KCNAB1: variants seen among roughly 807,000 people sequenced by gnomAD.
KCNAB1 encodes voltage-gated potassium channel subunit beta-1.
Under a neutral mutation model 64.6 loss-of-function variants are expected in KCNAB1, and 35 were observed. The ratio of observed to expected loss-of-function variants is 0.54; its 90% confidence interval spans 0.41 to 0.72. The LOEUF is 0.72. KCNAB1 is among the 30% of genes least tolerant of loss of function. The pLI, the probability that KCNAB1 is intolerant of heterozygous loss-of-function variation, is 0.00. For missense variants in KCNAB1, 401 were observed against 512.9 expected (o/e 0.78, Z 2.11); for synonymous variants, 177 against 183.8 (o/e 0.96, Z 0.30).
At chr3:156,493,514 C>T (rs1015439661) in intron 8 of KCNAB1, among the ~76,000 whole-genome samples, 1 of 152,004 alleles carries the variant, frequency 6.6e-6, no homozygotes, top group Non-Finnish European at 1.5e-5. Flanking sequence ...TGCCCCTCAC[C>T]CAGATTCCCC....
At chr3:156,523,144 C>T (rs189805631) in intron 11 of KCNAB1, among the ~76,000 whole-genome samples, 1,778 of 152,190 alleles carry the variant, frequency 0.012, 12 homozygotes, top group Non-Finnish European at 0.014. Context: ...AGAATAGTTT[C>T]CTGTTTTGAG....
intron 11 of KCNAB1, among the ~76,000 whole-genome samples, chr3:156,522,694 T>C (rs1258953926): frequency 6.6e-6 from 1 of 152,160 alleles, no homozygotes; most frequent in African/African-American, 2.4e-5. Flanking sequence ...GGAAATATTG[T>C]CTTAGAATAA....
intron 8 of KCNAB1, among the ~76,000 whole-genome samples, chr3:156,507,592 A>G (rs1025414996): frequency 6.6e-6 from 1 of 152,258 alleles, no homozygotes; most frequent in South Asian, 2.1e-4. Context: ...TCAAGATTCA[A>G]GATGATTCCT....
chr3:156,289,873 G>T (rs565126475), intron 1 of KCNAB1, among the ~76,000 whole-genome samples: 2 of 152,156 alleles, frequency 1.3e-5, no homozygotes, highest in East Asian at 1.9e-4. Context: ...TTTTAATCAC[G>T]TAGATAGATT....
At chr3:156,436,176 T>G (rs1463271585) in intron 2 of KCNAB1, among the ~76,000 whole-genome samples, 1 of 152,216 alleles carries the variant, frequency 6.6e-6, no homozygotes, top group African/African-American at 2.4e-5. Flanking sequence ...GGTGTTTGGT[T>G]TTCTGTTCCT....
At chr3:156,340,376 G>A (rs1044655968) in intron 1 of KCNAB1, among the ~76,000 whole-genome samples, 13 of 152,178 alleles carry the variant, frequency 8.5e-5, no homozygotes, top group Admixed American at 2.0e-4. Context: ...ACCTCTCTTC[G>A]AGTGGGAGGG....
At chr3:156,523,770 T>A in intron 11 of KCNAB1, 57 bp from the exon 12 acceptor site, 11 of 1,515,968 alleles carry the variant, frequency 7.3e-6, no homozygotes, top group Non-Finnish European at 9.9e-6. Context: ...GAATTACCAT[T>A]CTTTGACATC....
intron 1 of KCNAB1, among the ~76,000 whole-genome samples, chr3:156,307,916 A>G: frequency 6.6e-6 from 1 of 152,232 alleles, no homozygotes; most frequent in Admixed American, 6.5e-5. Flanking sequence ...TTCCCTAAGC[A>G]GGCACTGTGC....
At chr3:156,463,448 A>T (rs768810924) in intron 5 of KCNAB1, among the ~76,000 whole-genome samples, 1 of 151,910 alleles carries the variant, frequency 6.6e-6, no homozygotes, top group East Asian at 1.9e-4. Flanking sequence ...ACTTGTTATC[A>T]CTGCCCTCCA....
At chr3:156,390,541 C>T (rs888735240) in intron 1 of KCNAB1, among the ~76,000 whole-genome samples, 2 of 151,712 alleles carry the variant, frequency 1.3e-5, no homozygotes, top group African/African-American at 2.4e-5. Context: ...GGTTTCCTTC[C>T]TTCCTTCCTT....
chr3:156,150,155 T>C (rs1228737097), intron 1 of KCNAB1, among the ~76,000 whole-genome samples: 1 of 152,182 alleles, frequency 6.6e-6, no homozygotes, highest in Non-Finnish European at 1.5e-5. Flanking sequence ...TCAGGACGTA[T>C]GTGATTACTT....
At chr3:156,320,822 G>A (rs1386396107) in intron 1 of KCNAB1, among the ~76,000 whole-genome samples, 1 of 152,010 alleles carries the variant, frequency 6.6e-6, no homozygotes, top group East Asian at 1.9e-4. Flanking sequence ...GGCATCCCCA[G>A]ATTAGAGGAG....
At chr3:156,225,114 CA>C (rs1418524987) in intron 1 of KCNAB1, among the ~76,000 whole-genome samples, 1 of 151,884 alleles carries the variant, frequency 6.6e-6, no homozygotes, top group Non-Finnish European at 1.5e-5. Context: ...AAAGACATAA[CA>C]AAAAAAGAAA....
intron 1 of KCNAB1, among the ~76,000 whole-genome samples, chr3:156,398,836 G>A (rs1713680029): frequency 6.6e-6 from 1 of 152,046 alleles, no homozygotes; most frequent in Admixed American, 6.5e-5. Context: ...ACCATAGTGG[G>A]TTGTCTCCTG....
intron 1 of KCNAB1, among the ~76,000 whole-genome samples, chr3:156,271,657 C>T (rs867288133): frequency 3.3e-5 from 5 of 152,284 alleles, no homozygotes; most frequent in Non-Finnish European, 4.4e-5. Flanking sequence ...CTGTATGAAA[C>T]GTCAAATATC....
intron 1 of KCNAB1, among the ~76,000 whole-genome samples, chr3:156,381,218 G>A (rs892628515): frequency 6.6e-6 from 1 of 152,166 alleles, no homozygotes; most frequent in Non-Finnish European, 1.5e-5. Flanking sequence ...TGGGATTAGG[G>A]AATTTTGCAG....
At position 156,408,207 on chromosome 3, in the gene KCNAB1, G is replaced by A. The variant is rs141901424; in HGVS notation, c.276-13409G>A. On this transcript the variant is annotated intron_variant, in intron 1 of 13. Coordinates refer to ENST00000490337, the MANE Select transcript of KCNAB1 (RefSeq NM_172160.3). ...GAACTCAGCAGGGACCCTATCCCAC[G>A]TCTCAGGGCCCTTCTAGGCCTACTT... 6.8e-3 allele frequency among the ~76,000 whole-genome samples: 1,037 copies of A among 151,852 alleles called. 10 individuals carry two copies. The highest frequency in any genetic ancestry group is 0.024 in the African/African-American group (992 of 41,142).
intron 2 of KCNAB1, 93 bp downstream of exon 2, chr3:156,421,752 T>C: frequency 9.1e-7 from 1 of 1,103,684 alleles, no homozygotes; most frequent in South Asian, 1.4e-5. Flanking sequence ...CAGGACCTGG[T>C]CTCAGATGAG....
chr3:156,378,990 G>A (rs1456782132), intron 1 of KCNAB1, among the ~76,000 whole-genome samples: 1 of 152,192 alleles, frequency 6.6e-6, no homozygotes, highest in Non-Finnish European at 1.5e-5. Flanking sequence ...AAAATCCCCA[G>A]AGCTGTGGGG....
Sources: gnomAD v4.1 joint callset for allele counts (sites outside exome capture counted in the v4.1 genomes callset) on GRCh38, gnomAD v4.1.1 for gene constraint, MANE v1.5 for transcripts, NCBI Gene and HGNC (gene_info 2026-07-23, HGNC 2026-07-21) for gene names.